The following CELF3 variants were observed in gnomAD, a reference collection of about 807,000 sequenced individuals.
The protein encoded by CELF3 is CAG repeat domain.
Under a neutral mutation model 59.6 loss-of-function variants are expected in CELF3, and 26 were observed. The observed-to-expected ratio is 0.44, with a 90% CI of 0.32 to 0.61. The LOEUF is 0.61. Among genes scored for constraint, CELF3 ranks in the 20% least tolerant of loss-of-function variants. The pLI is 0.06. For missense variants in CELF3, 387 were observed against 627.2 expected (o/e 0.62, Z 4.09); for synonymous variants, 245 against 250.7 (o/e 0.98, Z 0.22).
At chr1:151,706,851 T>C in intron 8 of CELF3, 117 bp from the exon 9 acceptor site, 1 of 804,584 alleles carries the variant, frequency 1.2e-6, no homozygotes, top group South Asian at 1.8e-5. Flanking sequence ...TCTCTGGGCA[T>C]GGGGTGTGAA....
At chr1:151,706,101 C>T in intron 10 of CELF3, 123 bp downstream of exon 10, 1 of 1,594,030 alleles carries the variant, frequency 6.3e-7, no homozygotes, top group East Asian at 2.2e-5. Context: ...AAGTCTCCGG[C>T]CACTCCCTCC....
intron 2 of CELF3, chr1:151,711,989 G>T (rs186277204): frequency 6.6e-6 from 1 of 152,240 alleles, no homozygotes; most frequent in Non-Finnish European, 1.5e-5. Flanking sequence ...AGCAAGGACC[G>T]TGCTGACGGT....
chr1:151,701,796 C>T lies in CELF3; in HGVS notation c.*1663G>A, dbSNP rs574164527. On this transcript the variant is annotated 3_prime_UTR_variant, in exon 13 of 13. Coordinates refer to ENST00000290583, the MANE Select transcript of CELF3 (RefSeq NM_007185.7). ...AATGAGCTGGGCGTGGTGGTGCAGC[C>T]GCTTATAGTCCTAACTACTTGGGAG... Among the ~76,000 whole-genome samples, 4 of 152,154 alleles carry T rather than the reference C, an allele frequency of 2.6e-5. No individual in the cohort carries two copies. The highest frequency in any genetic ancestry group is 3.9e-4 in the East Asian group (2 of 5,170).
chr1:151,707,518 G>T lies in CELF3; in HGVS notation c.761C>A (p.Thr254Asn), dbSNP rs1289442320. 1 of 1,610,538 alleles carries T rather than the reference G, an allele frequency of 6.2e-7. No homozygotes were observed. Among genetic ancestry groups the T allele is most frequent in the Non-Finnish European group, 8.5e-7 (1 of 1,179,862 alleles). The change falls in exon 7 of 13, where the codon ACC becomes AAC. Residue 254 changes from threonine (T) to asparagine (N), a missense_variant. Around this residue, in one of 3 missense-constraint regions of CELF3, gnomAD observed 208 missense variants for 354.8 expected, o/e 0.59. Coordinates refer to ENST00000290583, the MANE Select transcript of CELF3 (RefSeq NM_007185.7). Reference protein sequence around the residue: ...NANGLIATPITPSSGTSTPPA... With the variant: ...NANGLIATPINPSSGTSTPPA... ...TGCCCAGGCCATACCTGAGGATGGGGTGATGGGGGTGGCGATGAGGCCATT... is the reference window on the plus strand; with the variant it reads ...TGCCCAGGCCATACCTGAGGATGGGTTGATGGGGGTGGCGATGAGGCCATT...
Position 151,709,425 on chromosome 1 carries a change from T to A in CELF3, c.278-77A>T. On this transcript the variant is annotated intron_variant, in intron 3 of 12. Transcript: ENST00000290583. This position sits in a 1 kb window ranked among gnomAD's most constrained non-coding sequence, Gnocchi z 4.9. ...TCCCAGCCCTTCTTCCGCCCTTCCC[T>A]GGAGCTCCTAACACTACTTCTGCTA... 1 of 1,594,098 alleles carries A rather than the reference T, an allele frequency of 6.3e-7. No homozygotes were observed. The highest frequency in any genetic ancestry group is 1.1e-5 in the South Asian group (1 of 89,920).
rs1433750667 is a variant in CELF3 at position 151,709,630 on chromosome 1, A to G, written c.277+113T>C. 8.7e-7 allele frequency: 1 copy of G among 1,153,474 alleles called. No individual in the cohort carries two copies. Among genetic ancestry groups the G allele is most frequent in the Non-Finnish European group, 1.3e-6 (1 of 765,112 alleles). The allele number at this position is 1,153,474 out of a possible 1,614,324, so 71.5% of individuals were successfully genotyped here. ...GACTCCTATCTCACCGCAGCTGGGA[A>G]CTCTTCAGAATCATCAGGCTTTCTC... is the stretch of plus-strand genomic sequence containing the variant. On this transcript the variant is annotated intron_variant, in intron 3 of 12. Transcript: ENST00000290583. This position sits in a 1 kb window ranked among gnomAD's most constrained non-coding sequence, Gnocchi z 4.9.
intron 1 of CELF3, 62 bp downstream of exon 1, chr1:151,715,814 G>A: frequency 6.3e-7 from 1 of 1,594,868 alleles, no homozygotes; most frequent in Non-Finnish European, 8.6e-7. Flanking sequence ...CTCCAGCCTG[G>A]CTTAACTTCC....
Position 151,709,892 on chromosome 1 carries a change from G to T in CELF3, c.229-101C>A. On this transcript the variant is annotated intron_variant, in intron 2 of 12. Coordinates refer to ENST00000290583, the MANE Select transcript of CELF3 (RefSeq NM_007185.7). This position sits in a 1 kb window ranked among gnomAD's most constrained non-coding sequence, Gnocchi z 4.9. The stretch of plus-strand genomic sequence containing the variant: ...AGAGAGACTAGAGGGGCAAGCCCCA[G>T]GCCCTCTAAGTTTCTGATGGGAAGG... 1 of 1,123,838 alleles carries T rather than the reference G, an allele frequency of 8.9e-7. No individual in the cohort carries two copies. The highest frequency in any genetic ancestry group is 1.4e-6 in the Non-Finnish European group (1 of 733,804). The allele number at this position is 1,123,838 out of a possible 1,614,324, so 69.6% of individuals were successfully genotyped here.
At chr1:151,714,786 C>A in intron 1 of CELF3, 110 bp from the exon 2 acceptor site, 1 of 770,626 alleles carries the variant, frequency 1.3e-6, no homozygotes, top group Admixed American at 2.2e-5. Flanking sequence ...CCCTTCTTGT[C>A]ATCTTCTGCC....
intron 10 of CELF3, 52 bp from the exon 11 acceptor site, chr1:151,706,017 C>A (rs764058072): frequency 9.5e-5 from 152 of 1,606,646 alleles, no homozygotes; most frequent in African/African-American, 9.4e-5. Context: ...GAGGCACACA[C>A]CCCAGAAGCA....
At chr1:151,714,770 A>G in intron 1 of CELF3, 94 bp from the exon 2 acceptor site, 1 of 893,328 alleles carries the variant, frequency 1.1e-6, no homozygotes, top group Non-Finnish European at 1.8e-6. Context: ...ACGACTGGGA[A>G]GCTTTCCCTT....
At chr1:151,714,727 T>A (rs1275181890) in intron 1 of CELF3, 51 bp from the exon 2 acceptor site, 10 of 1,276,126 alleles carry the variant, frequency 7.8e-6, no homozygotes, top group Non-Finnish European at 1.1e-5. Context: ...GTCCTCCATC[T>A]CCCCTCTCTG....
chr1:151,709,243 C>T lies in CELF3; in HGVS notation c.383G>A (p.Arg128Gln), dbSNP rs1672818729. ...ACCTTTGCTGGTGCCATCTGGCCCCCGGAGCACAGTGCACTCGTCGATGGT... is the reference window on the plus strand; with the variant it reads ...ACCTTTGCTGGTGCCATCTGGCCCCTGGAGCACAGTGCACTCGTCGATGGT... The part of the protein sequence containing the change: ...FGTIDECTVL[R>Q]GPDGTSKGCA... Residue 128 changes from arginine (R) to glutamine (Q), a missense_variant, in exon 4 of 13, where the codon CGG becomes CAG. Transcript: ENST00000290583. The surrounding 1 kb of genome is among the most constrained non-coding windows in gnomAD (Gnocchi z 4.9). The T allele has an allele frequency of 2.5e-6, 4 of 1,613,884 alleles. No individual in the cohort carries two copies. Among genetic ancestry groups the T allele is most frequent in the South Asian group, 1.1e-5 (1 of 91,088 alleles).
At chr1:151,706,177 A>G in intron 10 of CELF3, 47 bp downstream of exon 10, 1 of 1,611,106 alleles carries the variant, frequency 6.2e-7, no homozygotes, top group Middle Eastern at 2.2e-4. Flanking sequence ...GGGAGTCCCC[A>G]AGCCCATAAC....
At position 151,708,139 on chromosome 1, in the gene CELF3, A is replaced by G. The variant is rs375415438; in HGVS notation, c.487-204T>C. The stretch of plus-strand genomic sequence containing the variant: ...GATGTGCAAGAGGCTAGAAGAAAAA[A>G]TGAGGAATGTGAAGGCACATGCTTG... On this transcript the variant is annotated intron_variant, in intron 5 of 12. Transcript: ENST00000290583. 1.1e-3 allele frequency: 607 copies of G among 544,948 alleles called. 2 individuals carry two copies. Among genetic ancestry groups the G allele is most frequent in the African/African-American group, 0.011 (572 of 52,618 alleles). The allele number at this position is 544,948 out of a possible 1,614,324, so 33.8% of individuals were successfully genotyped here.
chr1:151,715,161 C>T (rs769756392), intron 1 of CELF3, among the ~76,000 whole-genome samples: 8 of 152,016 alleles, frequency 5.3e-5, no homozygotes, highest in Non-Finnish European at 7.4e-5. Flanking sequence ...GTTAGTTAGC[C>T]GGAAGTGCCT....
chr1:151,708,049 A>G (rs1175560917), intron 5 of CELF3, 114 bp from the exon 6 acceptor site: 5 of 1,225,170 alleles, frequency 4.1e-6, no homozygotes, highest in Non-Finnish European at 5.6e-6. Context: ...CCTCTCTGAG[A>G]GGGCGGCCAC....
Position 151,705,783 on chromosome 1 carries a change from T to G in CELF3, c.1270+39A>C, listed in dbSNP as rs751658069. On this transcript the variant is annotated intron_variant, in intron 11 of 12. Coordinates refer to ENST00000290583, the MANE Select transcript of CELF3 (RefSeq NM_007185.7). This position sits in a 1 kb window ranked among gnomAD's most constrained non-coding sequence, Gnocchi z 5.1. ...CAAATATATTAGACCTTGTCCTGAT[T>G]TGGAGTATGGCAAAAAATGTGCCAT... 2 of 1,608,260 alleles carry G rather than the reference T, an allele frequency of 1.2e-6. No homozygotes were observed. Among genetic ancestry groups the G allele is most frequent in the Admixed American group, 3.3e-5 (2 of 59,792 alleles).
chr1:151,711,583 A>G (rs898362761), intron 2 of CELF3, among the ~76,000 whole-genome samples: 1 of 152,204 alleles, frequency 6.6e-6, no homozygotes, highest in African/African-American at 2.4e-5. Context: ...CAATCTCCTT[A>G]GGCATGTGTG....
Sources: allele counts gnomAD v4.1 joint callset (sites outside exome capture counted in the v4.1 genomes callset), GRCh38; gene constraint gnomAD v4.1.1; regional missense constraint gnomAD v4.1.1; non-coding constraint Gnocchi (gnomAD v3.1); transcripts MANE v1.5; gene names NCBI Gene and HGNC (gene_info 2026-07-23, HGNC 2026-07-21).